DENND2C: variants seen among roughly 807,000 people sequenced by gnomAD.
DENND2C encodes DENN domain containing 2C.
In DENND2C, 72 loss-of-function variants were observed where a neutral mutation model predicts 112.4. That is an observed-to-expected ratio of 0.64 (90% CI 0.53 to 0.78). DENND2C has a LOEUF of 0.78. Among genes scored for constraint, DENND2C ranks in the 30% least tolerant of loss-of-function variants. The probability of loss-of-function intolerance (pLI) is 0.00; values close to 1 mark genes in which losing one functional copy is unlikely to be tolerated. For synonymous variants in DENND2C, 329 were observed against 381.6 expected (o/e 0.86, Z 1.61); for missense variants, 992 against 1,113.8 (o/e 0.89, Z 1.56).
intron 14 of DENND2C, among the ~76,000 whole-genome samples, chr1:114,600,555 A>G (rs772941270): frequency 2.2e-4 from 33 of 152,172 alleles, no homozygotes; most frequent in Admixed American, 7.9e-4. Context: ...TTCTGACAAT[A>G]GTATATACAG....
At chr1:114,639,425 A>G (rs1285349548) in intron 3 of DENND2C, among the ~76,000 whole-genome samples, 2 of 151,756 alleles carry the variant, frequency 1.3e-5, no homozygotes, top group Non-Finnish European at 2.9e-5. Flanking sequence ...CTAAAAATAC[A>G]AAAAATTAGC....
At chr1:114,649,666 C>T (rs906960992) in intron 2 of DENND2C, among the ~76,000 whole-genome samples, 2 of 152,102 alleles carry the variant, frequency 1.3e-5, no homozygotes, top group Non-Finnish European at 1.5e-5. Context: ...TGAGCCAATA[C>T]GCCTGGACAA....
Position 114,625,999 on chromosome 1 carries a change from G to A in DENND2C, c.-15C>T, listed in dbSNP as rs1656332672. On this transcript the variant is annotated 5_prime_UTR_variant, in exon 4 of 21. Coordinates refer to ENST00000393274, the MANE Select transcript of DENND2C (RefSeq NM_001256404.2). ...CCAACATCCATGTTCCCAACTGGGT[G>A]AATGACAAGTGATGAATCTTACAAA... 3 of 1,591,556 alleles carry A rather than the reference G, an allele frequency of 1.9e-6. No individual in the cohort carries two copies. The highest frequency in any genetic ancestry group is 2.6e-6 in the Non-Finnish European group (3 of 1,168,292).
At chr1:114,608,412 G>A (rs912662813) in intron 10 of DENND2C, among the ~76,000 whole-genome samples, 7 of 152,216 alleles carry the variant, frequency 4.6e-5, no homozygotes, top group Admixed American at 3.3e-4. Flanking sequence ...TTAAGGATGA[G>A]AAAACTAAGG....
At chr1:114,590,704 G>T (rs1266104815) in intron 18 of DENND2C, among the ~76,000 whole-genome samples, 1 of 151,462 alleles carries the variant, frequency 6.6e-6, no homozygotes, top group South Asian at 2.1e-4. Context: ...TGTGAACCCC[G>T]GAGGGTGGAG....
chr1:114,639,517 G>A (rs539463518), intron 3 of DENND2C, among the ~76,000 whole-genome samples: 7 of 151,310 alleles, frequency 4.6e-5, no homozygotes, highest in Admixed American at 3.9e-4. Flanking sequence ...ATGAGGTGGA[G>A]GTTGCAGTGA....
chr1:114,638,986 T>A (rs11102826), intron 3 of DENND2C, among the ~76,000 whole-genome samples: 133,044 of 152,064 alleles, frequency 0.87, 58,699 homozygotes, highest in African/African-American at 0.96. Context: ...TTATTACACC[T>A]AAAAAGTCAA....
chr1:114,587,675 A>G, intron 19 of DENND2C, 41 bp downstream of exon 19: 2 of 1,524,506 alleles, frequency 1.3e-6, no homozygotes, highest in Non-Finnish European at 1.8e-6. Flanking sequence ...CTTTCAAGGT[A>G]TTCACTAAAT....
intron 1 of DENND2C, among the ~76,000 whole-genome samples, chr1:114,662,822 TG>T (rs1311794735): frequency 6.6e-6 from 1 of 152,072 alleles, no homozygotes; most frequent in Non-Finnish European, 1.5e-5. Context: ...TAGCCAGTCT[TG>T]GTGGCGTGCA....
At chr1:114,662,728 T>C (rs2101699963) in intron 1 of DENND2C, among the ~76,000 whole-genome samples, 1 of 152,248 alleles carries the variant, frequency 6.6e-6, no homozygotes, top group East Asian at 1.9e-4. Context: ...GAGGCTGAGA[T>C]GGGAGGATCC....
intron 7 of DENND2C, among the ~76,000 whole-genome samples, chr1:114,619,817 T>C (rs750232295): frequency 6.6e-6 from 1 of 152,162 alleles, no homozygotes; most frequent in African/African-American, 2.4e-5. Flanking sequence ...TATTCAAGTA[T>C]AAAGGAAAGA....
chr1:114,605,316 G>C (rs1375700395), intron 10 of DENND2C, among the ~76,000 whole-genome samples: 2 of 152,182 alleles, frequency 1.3e-5, no homozygotes. Flanking sequence ...TTAGTGAAAA[G>C]TTTCCTATCA....
At chr1:114,632,436 C>G (rs1276853359) in intron 3 of DENND2C, among the ~76,000 whole-genome samples, 1 of 151,810 alleles carries the variant, frequency 6.6e-6, no homozygotes, top group East Asian at 1.9e-4. Flanking sequence ...ACAGGGGAAA[C>G]AAGGTAAGCC....
Position 114,587,409 on chromosome 1 carries a change from C to A in DENND2C, c.2733G>T (p.Met911Ile). ...ETIPESEPSG[M>I]NRILRSLGSK... ...AACCAAGACTCCGCAAAATTCTATT[C>A]ATCCCACTGGGCTCCGACTCAGGAA... is the stretch of plus-strand genomic sequence containing the variant. The change falls in exon 20 of 21, where the codon ATG (methionine) becomes ATT (isoleucine). Residue 911 changes from methionine (M) to isoleucine (I), a missense_variant. Met to Ile is a conservative substitution (Grantham distance 10). Around this residue, in one of 3 missense-constraint regions of DENND2C, gnomAD observed 516 missense variants for 623.6 expected, o/e 0.83. Coordinates refer to ENST00000393274, the MANE Select transcript of DENND2C (RefSeq NM_001256404.2). The A allele has an allele frequency of 6.2e-7, 1 of 1,614,214 alleles. No individual in the cohort carries two copies. Among genetic ancestry groups the A allele is most frequent in the Non-Finnish European group, 8.5e-7 (1 of 1,180,042 alleles).
At chr1:114,602,531 C>T (rs752115575) in intron 11 of DENND2C, among the ~76,000 whole-genome samples, 18 of 152,086 alleles carry the variant, frequency 1.2e-4, no homozygotes, top group Non-Finnish European at 2.9e-5. Context: ...CTTATTCATC[C>T]ACTCTAGGTA....
intron 16 of DENND2C, 58 bp downstream of exon 16, chr1:114,599,216 A>T: frequency 7.3e-7 from 1 of 1,370,692 alleles, no homozygotes; most frequent in Non-Finnish European, 1.0e-6. Context: ...ACCACTCTTA[A>T]GATCACTTAT....
At chr1:114,641,632 C>T (rs1175251043) in intron 3 of DENND2C, among the ~76,000 whole-genome samples, 1 of 152,140 alleles carries the variant, frequency 6.6e-6, no homozygotes, top group Non-Finnish European at 1.5e-5. Context: ...ATGATTGTAA[C>T]CTTCCTGAGG....
intron 1 of DENND2C, among the ~76,000 whole-genome samples, chr1:114,666,120 CTT>C (rs1229491889): frequency 6.6e-6 from 1 of 152,234 alleles, no homozygotes; most frequent in African/African-American, 2.4e-5. Context: ...TTCTGTTCCT[CTT>C]TTGAGCCAAT....
At position 114,608,766 on chromosome 1, in the gene DENND2C, G is replaced by C. The variant is rs1655730140; in HGVS notation, c.1477C>G (p.Leu493Val). 6.2e-7 allele frequency: 1 copy of C among 1,614,098 alleles called. No homozygotes were observed. The highest frequency in any genetic ancestry group is 1.3e-5 in the African/African-American group (1 of 74,924). Reference protein sequence around the residue: ...IELQEQQLFELFVVVSLQKKP... With the variant: ...IELQEQQLFEVFVVVSLQKKP... ...TTCTGTAGAGACACCACCACAAAAAGTTCAAACAGCTGCTGCTCCTGTAAT... is the reference window on the plus strand; with the variant it reads ...TTCTGTAGAGACACCACCACAAAAACTTCAAACAGCTGCTGCTCCTGTAAT... The change falls in exon 10 of 21, where the codon CTT (leucine) becomes GTT (valine). Residue 493 changes from leucine (L) to valine (V), a missense_variant. Transcript: ENST00000393274.
Sources: allele counts gnomAD v4.1 joint callset (sites outside exome capture counted in the v4.1 genomes callset), GRCh38; gene constraint gnomAD v4.1.1; regional missense constraint gnomAD v4.1.1; transcripts MANE v1.5; gene names NCBI Gene and HGNC (gene_info 2026-07-23, HGNC 2026-07-21).